SLIT3: variants seen among roughly 807,000 people sequenced by gnomAD.
The protein encoded by SLIT3 is slit homolog 3 protein.
In SLIT3, 68 loss-of-function variants were observed where a neutral mutation model predicts 184.0. The observed-to-expected ratio is 0.37, with a 90% CI of 0.30 to 0.45. SLIT3 has a LOEUF of 0.45. Ranked by LOEUF, SLIT3 falls within the 20% of genes least tolerant of loss-of-function variation. SLIT3 has a pLI of 1.00. For missense variants in SLIT3, 1,707 were observed against 2,026.0 expected (o/e 0.84, Z 3.02); for synonymous variants, 831 against 828.6 (o/e 1.00, Z -0.05).
At chr5:168,857,884 G>A (rs186598330) in intron 5 of SLIT3, among the ~76,000 whole-genome samples, 146 of 152,306 alleles carry the variant, frequency 9.6e-4, no homozygotes, top group East Asian at 1.5e-3. Flanking sequence ...AGAGATTCAC[G>A]TAGGAGTTCT....
chr5:168,712,408 A>G (rs560356799), intron 23 of SLIT3, 54 bp from the exon 24 acceptor site: 3 of 1,536,248 alleles, frequency 2.0e-6, no homozygotes, highest in Admixed American at 1.7e-5. Context: ...TGAATTTAGC[A>G]TATTCTCAGG....
intron 4 of SLIT3, among the ~76,000 whole-genome samples, chr5:169,191,913 C>T (rs1241248716): frequency 6.6e-6 from 1 of 152,148 alleles, no homozygotes; most frequent in Non-Finnish European, 1.5e-5. Flanking sequence ...TTCCAGCCTC[C>T]CAGGTACCTT....
chr5:169,132,339 C>A (rs1006837984), intron 4 of SLIT3, among the ~76,000 whole-genome samples: 1 of 152,136 alleles, frequency 6.6e-6, no homozygotes, highest in East Asian at 1.9e-4. Context: ...GAAGGCATGC[C>A]AAGTCTGTAT....
At chr5:169,135,719 A>C (rs1267961636) in intron 4 of SLIT3, among the ~76,000 whole-genome samples, 1 of 152,164 alleles carries the variant, frequency 6.6e-6, no homozygotes, top group Non-Finnish European at 1.5e-5. Flanking sequence ...AAAATACTGG[A>C]AGCTGGAAAA....
chr5:169,152,940 T>C (rs977682281), intron 4 of SLIT3, among the ~76,000 whole-genome samples: 10 of 152,184 alleles, frequency 6.6e-5, no homozygotes, highest in Non-Finnish European at 1.3e-4. Context: ...CTGGTTTCGC[T>C]GTGAGTCATT....
intron 23 of SLIT3, among the ~76,000 whole-genome samples, chr5:168,716,496 T>C (rs542141784): frequency 5.7e-4 from 87 of 152,386 alleles, no homozygotes; most frequent in Non-Finnish European, 8.5e-4. Flanking sequence ...ATGATTGTTA[T>C]CACTGTCATG....
Position 168,671,354 on chromosome 5 carries a change from T to G in SLIT3, c.3971A>C (p.Gln1324Pro), listed in dbSNP as rs1475946909. Residue 1324 changes from glutamine (Q) to proline (P), a missense_variant, in exon 34 of 36, where the codon CAG becomes CCG. By Grantham distance (76) the Gln-to-Pro change is moderately conservative. Coordinates refer to ENST00000519560, the MANE Select transcript of SLIT3 (RefSeq NM_003062.4). ...GCAGCCTGGTGACACCCCCAGGGAC[T>G]GTGGTGGGAGGGCCTTGAAGTCCTG... ...ELQDFKALPPQSLGVSPGCKS... is the reference protein window; with the variant it reads ...ELQDFKALPPPSLGVSPGCKS... 6.2e-7 allele frequency: 1 copy of G among 1,614,010 alleles called. No homozygotes were observed. The highest frequency in any genetic ancestry group is 8.5e-7 in the Non-Finnish European group (1 of 1,180,024).
intron 10 of SLIT3, chr5:168,790,249 G>A (rs1468940567): frequency 6.6e-6 from 1 of 152,452 alleles, no homozygotes; most frequent in Non-Finnish European, 1.5e-5. Flanking sequence ...ATGTGGGCTT[G>A]TCACTGGCTG....
At chr5:168,835,532 G>A (rs1232523261) in intron 6 of SLIT3, among the ~76,000 whole-genome samples, 1 of 151,604 alleles carries the variant, frequency 6.6e-6, no homozygotes, top group East Asian at 1.9e-4. Context: ...TTTTGTACTG[G>A]GTGCGGTGAC....
intron 4 of SLIT3, among the ~76,000 whole-genome samples, chr5:169,087,439 C>T (rs948173776): frequency 2.0e-5 from 3 of 152,204 alleles, no homozygotes; most frequent in Admixed American, 2.0e-4. Flanking sequence ...GCAGTGCTTT[C>T]TCCTGTTGCT....
At chr5:168,908,058 T>C (rs1056226087) in intron 4 of SLIT3, among the ~76,000 whole-genome samples, 1 of 146,470 alleles carries the variant, frequency 6.8e-6, no homozygotes, top group Non-Finnish European at 1.5e-5. Flanking sequence ...ACAAACTGGG[T>C]GGCTGTACAC....
intron 12 of SLIT3, among the ~76,000 whole-genome samples, chr5:168,775,897 G>A (rs1755729853): frequency 6.6e-6 from 1 of 152,140 alleles, no homozygotes; most frequent in South Asian, 2.1e-4. Flanking sequence ...GAGCAGGGCT[G>A]GCAAGTCAAG....
intron 4 of SLIT3, among the ~76,000 whole-genome samples, chr5:169,125,945 G>C (rs1222072261): frequency 6.6e-6 from 1 of 152,134 alleles, no homozygotes; most frequent in African/African-American, 2.4e-5. Flanking sequence ...GCTGTAGTAA[G>C]AGTACCTCAA....
intron 20 of SLIT3, among the ~76,000 whole-genome samples, chr5:168,737,638 C>T (rs1343537903): frequency 1.3e-5 from 2 of 152,168 alleles, no homozygotes; most frequent in African/African-American, 4.8e-5. Flanking sequence ...GCTCATTGTC[C>T]TTAGACCAAA....
intron 4 of SLIT3, among the ~76,000 whole-genome samples, chr5:169,062,589 T>C (rs1194868713): frequency 6.6e-6 from 1 of 152,278 alleles, no homozygotes; most frequent in Admixed American, 6.5e-5. Context: ...TTCTTGCTCC[T>C]GCCGTTAGAT....
At chr5:169,038,118 T>C (rs1377817848) in intron 4 of SLIT3, 2 of 152,228 alleles carry the variant, frequency 1.3e-5, no homozygotes, top group East Asian at 1.9e-4. Flanking sequence ...AAAATGAACA[T>C]GGACTAGGAT....
In SLIT3 at chr5:168,920,586, G is replaced by A. The variant is rs938737613; in HGVS notation, c.414-37250C>T. Among the ~76,000 whole-genome samples the A allele has an allele frequency of 3.3e-5, 5 of 152,130 alleles. No homozygotes were observed. In the East Asian group the frequency reaches 5.8e-4, roughly 18 times the overall value. On this transcript the variant is annotated intron_variant, in intron 4 of 35. Coordinates refer to ENST00000519560, the MANE Select transcript of SLIT3 (RefSeq NM_003062.4). The stretch of plus-strand genomic sequence containing the variant: ...CGACTTCCTTATTCAGTTTTAATGC[G>A]TCTTTCCAGCCGGTGTGAAGCAAGT...
intron 4 of SLIT3, 77 bp from the exon 5 acceptor site, chr5:168,883,413 TC>T (rs915755310): frequency 7.1e-6 from 8 of 1,121,294 alleles, no homozygotes; most frequent in African/African-American, 1.5e-5. Context: ...ATGATAACAA[TC>T]CCCCCCACCC....
At chr5:169,188,115 G>A (rs1763421875) in intron 4 of SLIT3, among the ~76,000 whole-genome samples, 1 of 152,104 alleles carries the variant, frequency 6.6e-6, no homozygotes, top group African/African-American at 2.4e-5. Flanking sequence ...AGGCCATCAT[G>A]CCTAGCTATA....
Sources: gnomAD v4.1 joint callset for allele counts (sites outside exome capture counted in the v4.1 genomes callset) on GRCh38, gnomAD v4.1.1 for gene constraint, MANE v1.5 for transcripts, NCBI Gene and HGNC (gene_info 2026-07-23, HGNC 2026-07-21) for gene names.